TRHDE: variants seen among roughly 807,000 people sequenced by gnomAD.
TRHDE encodes the protein thyrotropin-releasing hormone-degrading ectoenzyme.
Under a neutral mutation model 125.7 loss-of-function variants are expected in TRHDE, and 72 were observed. That is an observed-to-expected ratio of 0.57 (90% CI 0.47 to 0.70). The LOEUF (loss-of-function observed/expected upper bound fraction) is 0.70, where lower values mean the gene tolerates loss of function less well. Among genes scored for constraint, TRHDE ranks in the 30% least tolerant of loss-of-function variants. The probability of loss-of-function intolerance (pLI) is 0.00; values close to 1 mark genes in which losing one functional copy is unlikely to be tolerated. For synonymous variants in TRHDE, 509 were observed against 509.1 expected (o/e 1.00, Z 0.00); for missense variants, 1,110 against 1,327.1 (o/e 0.84, Z 2.54).
chr12:72,606,341 A>G (rs1408737072), intron 12 of TRHDE, among the ~76,000 whole-genome samples: 1 of 152,170 alleles, frequency 6.6e-6, no homozygotes, highest in Non-Finnish European at 1.5e-5. Context: ...ATGTGCTGGG[A>G]TCTGTACATG....
chr12:72,456,163 A>T (rs1875839335), intron 3 of TRHDE, among the ~76,000 whole-genome samples: 1 of 150,814 alleles, frequency 6.6e-6, no homozygotes, highest in Non-Finnish European at 1.5e-5. Flanking sequence ...ACACACACAC[A>T]CACACACACA....
intron 6 of TRHDE, among the ~76,000 whole-genome samples, chr12:72,533,017 A>C (rs1339942171): frequency 1.3e-5 from 2 of 152,076 alleles, no homozygotes; most frequent in Non-Finnish European, 2.9e-5. Context: ...TACTTTATCT[A>C]AAACAAGGGT....
rs112332257 is a variant in TRHDE at position 72,174,844 on chromosome 12, G to A, written n.279+69092G>A. ...GTGGTGTCCACCTCATTTCTCCACT[G>A]TAATATTACTGTATTTCCTTTTGCT... On this transcript the variant is annotated intron_variant and non_coding_transcript_variant, in intron 2 of 4. Transcript: ENST00000548156. Among the ~76,000 whole-genome samples the A allele has an allele frequency of 7.7e-3, 1,171 of 152,192 alleles. 12 individuals are homozygous for A. The highest frequency in any genetic ancestry group is 0.026 in the African/African-American group (1,100 of 41,516).
chr12:72,350,004 G>A (rs1052848163), intron 2 of TRHDE, among the ~76,000 whole-genome samples: 3 of 151,680 alleles, frequency 2.0e-5, no homozygotes, highest in Admixed American at 6.6e-5. Context: ...CCTTTTCTTC[G>A]ATTGATAAAA....
chr12:72,525,616 TGTGTGTGTGTGTGTGTGTGAGA>T (rs886564551), intron 6 of TRHDE, among the ~76,000 whole-genome samples: 2 of 148,260 alleles, frequency 1.3e-5, no homozygotes, highest in Non-Finnish European at 3.0e-5. Flanking sequence ...TGTGTGTGTG[TGTGTGTGTGTGTGTGTGTGAGA>T]GAGAGAGAGA....
intron 15 of TRHDE, among the ~76,000 whole-genome samples, chr12:72,638,866 A>G (rs531529409): frequency 7.2e-5 from 11 of 152,254 alleles, no homozygotes. Flanking sequence ...GTTTCTGCTG[A>G]GAGATCTGCT....
In TRHDE at chr12:72,582,530, T is replaced by C. The variant is rs1316729240; in HGVS notation, c.2321+6988T>C. 7.2e-5 allele frequency: 71 copies of C among 985,408 alleles called. 1 individual carries two copies. The highest frequency in any genetic ancestry group is 8.3e-5 in the Non-Finnish European group (69 of 829,926). 61.0% of individuals were successfully genotyped at this position (985,408 alleles called of 1,614,324 possible). A position where few individuals can be genotyped will look rare whatever the true frequency, so the allele number is the denominator to read the frequency against. On this transcript the variant is annotated intron_variant, in intron 12 of 18. Coordinates refer to ENST00000261180, the MANE Select transcript of TRHDE (RefSeq NM_013381.3). ...TTTAAGGTTTCTCTTGCAAAACATA[T>C]GTTGATCATTTTTTCACTTATTGCA...
intron 2 of TRHDE, among the ~76,000 whole-genome samples, chr12:72,228,912 T>A (rs546041958): frequency 6.6e-6 from 1 of 152,174 alleles, no homozygotes; most frequent in Non-Finnish European, 1.5e-5. Context: ...AACAAGTTCC[T>A]CATCTCCATC....
At chr12:72,451,444 G>T (rs1161784382) in intron 3 of TRHDE, among the ~76,000 whole-genome samples, 1 of 152,168 alleles carries the variant, frequency 6.6e-6, no homozygotes, top group Admixed American at 6.5e-5. Context: ...AAAATGCAAG[G>T]ATTTATTTCT....
intron 2 of TRHDE, among the ~76,000 whole-genome samples, chr12:72,210,171 G>GATCTATTT (rs1877747432): frequency 6.8e-6 from 1 of 146,326 alleles, no homozygotes; most frequent in Non-Finnish European, 1.5e-5. Flanking sequence ...CTATAAGATT[G>GATCTATTT]ATCTATCTAT....
intron 2 of TRHDE, among the ~76,000 whole-genome samples, chr12:72,287,721 C>A (rs1385671927): frequency 6.6e-6 from 1 of 152,012 alleles, no homozygotes; most frequent in Non-Finnish European, 1.5e-5. Flanking sequence ...ATAGAGGGAG[C>A]ATTGTCTGCA....
At chr12:72,098,099 T>G (rs978075735) in intron 1 of TRHDE, among the ~76,000 whole-genome samples, 2 of 152,130 alleles carry the variant, frequency 1.3e-5, no homozygotes, top group Non-Finnish European at 2.9e-5. Flanking sequence ...CCCGGGCTTG[T>G]CTCAAACTCC....
intron 2 of TRHDE, among the ~76,000 whole-genome samples, chr12:72,224,625 G>T (rs1445506853): frequency 2.0e-5 from 3 of 152,082 alleles, no homozygotes; most frequent in Non-Finnish European, 2.9e-5. Context: ...GGGGTTCTCT[G>T]CAGGTTTTCT....
At chr12:72,415,245 G>A (rs1406841382) in intron 3 of TRHDE, among the ~76,000 whole-genome samples, 1 of 152,034 alleles carries the variant, frequency 6.6e-6, no homozygotes, top group Non-Finnish European at 1.5e-5. Flanking sequence ...CATAAGAGTT[G>A]TAATGGATAT....
intron 6 of TRHDE, among the ~76,000 whole-genome samples, chr12:72,502,015 T>C (rs1878177279): frequency 6.6e-6 from 1 of 152,098 alleles, no homozygotes; most frequent in South Asian, 2.1e-4. Flanking sequence ...TCTCTAATCA[T>C]ATAACCTCTT....
At chr12:72,600,387 A>T (rs1460858032) in intron 12 of TRHDE, among the ~76,000 whole-genome samples, 1 of 151,986 alleles carries the variant, frequency 6.6e-6, no homozygotes, top group Non-Finnish European at 1.5e-5. Flanking sequence ...CAATGCATGA[A>T]CATGGAATGT....
At chr12:72,576,305 A>AT (rs1208163539) in intron 12 of TRHDE, among the ~76,000 whole-genome samples, 1 of 152,042 alleles carries the variant, frequency 6.6e-6, no homozygotes. Context: ...GATTTACCAC[A>AT]TTTTCTTCTA....
intron 6 of TRHDE, among the ~76,000 whole-genome samples, chr12:72,521,091 T>G (rs1056976163): frequency 1.3e-5 from 2 of 152,210 alleles, no homozygotes; most frequent in African/African-American, 4.8e-5. Context: ...TGCCTGATCA[T>G]ATAGTCAAGT....
At chr12:72,142,699 CAGCAGACCAGCAGACT>C (rs1230219548) in intron 2 of TRHDE, among the ~76,000 whole-genome samples, 1 of 152,084 alleles carries the variant, frequency 6.6e-6, no homozygotes, top group Non-Finnish European at 1.5e-5. Flanking sequence ...CAGGCTCCAG[CAGCAGACCAGCAGACT>C]AGCAGACCAG....
Sources: gnomAD v4.1 joint callset for allele counts (sites outside exome capture counted in the v4.1 genomes callset) on GRCh38, gnomAD v4.1.1 for gene constraint, MANE v1.5 for transcripts, NCBI Gene and HGNC (gene_info 2026-07-23, HGNC 2026-07-21) for gene names.